The following VPS13B variants were observed in gnomAD, a reference collection of about 807,000 sequenced individuals.
VPS13B encodes vacuolar protein sorting 13 homolog B.
In VPS13B, 285 loss-of-function variants were observed where a neutral mutation model predicts 426.4. That is an observed-to-expected ratio of 0.67 (90% confidence interval 0.61 to 0.74). The LOEUF (loss-of-function observed/expected upper bound fraction) is 0.74. VPS13B is among the 30% of genes least tolerant of loss of function. The probability of loss-of-function intolerance (pLI) is 0.00; values close to 1 mark genes in which losing one functional copy is unlikely to be tolerated. For synonymous variants in VPS13B, 1,676 were observed against 1,676.4 expected, an observed-to-expected ratio of 1.00 and a Z score of 0.01; for missense variants, 4,537 against 4,782.6, an observed-to-expected ratio of 0.95 and a Z score of 1.51.
At chr8:99,186,184 G>T (rs1813211200) in intron 16 of VPS13B, among the ~76,000 whole-genome samples, 1 of 152,086 alleles carries the variant, frequency 6.6e-6, no homozygotes, top group Non-Finnish European at 1.5e-5. Context: ...ATATTCAACA[G>T]CTTAACTGTT....
chr8:99,165,783 C>T (rs1165400732), intron 15 of VPS13B, among the ~76,000 whole-genome samples: 1 of 152,152 alleles, frequency 6.6e-6, no homozygotes, highest in Non-Finnish European at 1.5e-5. Context: ...GTATACCCTC[C>T]AGCAGGGGTC....
chr8:99,254,933 T>C (rs535882541), intron 17 of VPS13B, among the ~76,000 whole-genome samples: 1 of 152,258 alleles, frequency 6.6e-6, no homozygotes, highest in African/African-American at 2.4e-5. Context: ...CCACTCTTTT[T>C]TGAAGTACAT....
intron 3 of VPS13B, among the ~76,000 whole-genome samples, chr8:99,045,455 C>T (rs1045354630): frequency 6.6e-6 from 1 of 151,874 alleles, no homozygotes; most frequent in Non-Finnish European, 1.5e-5. Flanking sequence ...GATATTAGTC[C>T]GTTGTCAGAT....
At chr8:99,129,127 C>A (rs1248458261) in intron 8 of VPS13B, among the ~76,000 whole-genome samples, 1 of 151,820 alleles carries the variant, frequency 6.6e-6, no homozygotes, top group Non-Finnish European at 1.5e-5. Context: ...AAAGTTTGGG[C>A]AAAAATTATA....
intron 44 of VPS13B, among the ~76,000 whole-genome samples, chr8:99,813,608 G>C (rs991385817): frequency 1.3e-5 from 2 of 152,194 alleles, no homozygotes; most frequent in Non-Finnish European, 2.9e-5. Flanking sequence ...TTTATGGTTT[G>C]TTATTGTGAA....
chr8:99,131,767 C>G (rs1422692848), intron 8 of VPS13B, among the ~76,000 whole-genome samples: 2 of 152,088 alleles, frequency 1.3e-5, no homozygotes, highest in African/African-American at 4.8e-5. Flanking sequence ...GTGGTGGTTG[C>G]TAAAGGTTGG....
intron 22 of VPS13B, among the ~76,000 whole-genome samples, chr8:99,436,637 C>A (rs1817393085): frequency 6.6e-6 from 1 of 152,146 alleles, no homozygotes; most frequent in Non-Finnish European, 1.5e-5. Context: ...TATATTTAAA[C>A]ATTTCCAGAT....
At chr8:99,493,428 AAC>A (rs1236864893) in intron 25 of VPS13B, among the ~76,000 whole-genome samples, 1 of 152,212 alleles carries the variant, frequency 6.6e-6, no homozygotes, top group Non-Finnish European at 1.5e-5. Context: ...ACTTGGCTAT[AAC>A]ACATATCTGA....
chr8:99,458,268 T>C (rs1270213652), intron 23 of VPS13B, among the ~76,000 whole-genome samples: 1 of 152,174 alleles, frequency 6.6e-6, no homozygotes, highest in Non-Finnish European at 1.5e-5. Flanking sequence ...TATGGCTGCA[T>C]AGTATTCCAT....
chr8:99,190,566 C>T (rs1813507482), intron 16 of VPS13B, among the ~76,000 whole-genome samples: 1 of 151,856 alleles, frequency 6.6e-6, no homozygotes, highest in African/African-American at 2.4e-5. Context: ...ACACTATTGC[C>T]TTTATTAGTT....
rs553187206 is a variant in VPS13B at position 99,100,969 on chromosome 8, G to A, written c.413-1984G>A. Among the ~76,000 whole-genome samples the A allele has an allele frequency of 2.6e-5, 4 of 151,922 alleles. No homozygotes were observed. In the South Asian group the frequency reaches 6.3e-4, roughly 24 times the overall value. ...TGAGGCAGGAGAATCACTTGAACCC[G>A]GGAGGCGGAGGTTGTCGTGAGTTGA... On this transcript the variant is annotated intron_variant, in intron 4 of 61. Transcript: ENST00000357162.
At chr8:99,452,066 A>G (rs540726047) in intron 23 of VPS13B, among the ~76,000 whole-genome samples, 1 of 152,284 alleles carries the variant, frequency 6.6e-6, no homozygotes, top group Admixed American at 6.5e-5. Flanking sequence ...AGTCCTTAAC[A>G]TGACCAAGAC....
chr8:99,200,548 C>T (rs1276216826), intron 17 of VPS13B, among the ~76,000 whole-genome samples: 1 of 152,080 alleles, frequency 6.6e-6, no homozygotes, highest in Non-Finnish European at 1.5e-5. Context: ...CTAATCTCTC[C>T]ACATCCTCCT....
intron 20 of VPS13B, among the ~76,000 whole-genome samples, chr8:99,386,937 C>T (rs1453627290): frequency 6.6e-6 from 1 of 152,156 alleles, no homozygotes; most frequent in Middle Eastern, 3.4e-3. Flanking sequence ...CCACTGTACT[C>T]CAGCCTGGGC....
intron 2 of VPS13B, among the ~76,000 whole-genome samples, chr8:99,016,586 CTTTTTT>C (rs754060289): frequency 1.2e-4 from 7 of 60,730 alleles, no homozygotes; most frequent in Non-Finnish European, 2.1e-4. Context: ...TATAGGAATT[CTTTTTT>C]TTTTTTTTTT....
At chr8:99,166,062 G>A (rs779795949) in intron 15 of VPS13B, among the ~76,000 whole-genome samples, 22 of 152,032 alleles carry the variant, frequency 1.4e-4, no homozygotes, top group Non-Finnish European at 2.8e-4. Context: ...TCACTGCAAC[G>A]TCCGCCTCCC....
chr8:99,254,500 G>C (rs189895065), intron 17 of VPS13B, among the ~76,000 whole-genome samples: 2 of 151,170 alleles, frequency 1.3e-5, no homozygotes, highest in East Asian at 3.9e-4. Context: ...TCCATGATGC[G>C]TTATGATTTC....
chr8:99,430,399 A>T (rs1378776944), intron 21 of VPS13B, among the ~76,000 whole-genome samples: 1 of 152,150 alleles, frequency 6.6e-6, no homozygotes, highest in African/African-American at 2.4e-5. Flanking sequence ...ATTTTATGCT[A>T]CTTTATAAGT....
In VPS13B at chr8:99,156,686, C is replaced by T; in HGVS notation, c.2151C>T (p.Ser717=). ...YAEQLVHVVS[S]LTQPSDNLLH... ...AACAGTTGGTGCATGTGGTCAGCAG[C>T]CTTACTCAACCTTCTGATAACCTGC... Residue 717 remains serine, a synonymous_variant, in exon 15 of 62, where the codon AGC becomes AGT. Transcript: ENST00000357162. The T allele has an allele frequency of 6.2e-7, 1 of 1,613,988 alleles. No homozygotes were observed. Among genetic ancestry groups the T allele is most frequent in the Non-Finnish European group, 8.5e-7 (1 of 1,179,886 alleles).
Sources: gnomAD v4.1 joint callset for allele counts (sites outside exome capture counted in the v4.1 genomes callset) on GRCh38, gnomAD v4.1.1 for gene constraint, MANE v1.5 for transcripts, NCBI Gene and HGNC (gene_info 2026-07-23, HGNC 2026-07-21) for gene names.